NAV2: variants seen among roughly 807,000 people sequenced by gnomAD.
NAV2 encodes neuron navigator 2.
Under a neutral mutation model 223.2 loss-of-function variants are expected in NAV2, and 54 were observed. The observed-to-expected ratio is 0.24, with a 90% confidence interval of 0.19 to 0.30. NAV2 has a LOEUF of 0.30. Among genes scored for constraint, NAV2 ranks in the 10% least tolerant of loss-of-function variants. NAV2 has a pLI of 1.00. For missense variants in NAV2, 2,806 were observed against 3,147.5 expected, an observed-to-expected ratio of 0.89 and a Z score of 2.60; for synonymous variants, 1,279 against 1,239.3, an observed-to-expected ratio of 1.03 and a Z score of -0.67.
At chr11:19,624,890 T>C (rs773572534) in intron 1 of NAV2, among the ~76,000 whole-genome samples, 5 of 152,242 alleles carry the variant, frequency 3.3e-5, no homozygotes, top group Non-Finnish European at 5.9e-5. Flanking sequence ...TTCGGCCATC[T>C]TGGAACCAGA....
chr11:19,506,411 G>T (rs895897363), intron 1 of NAV2: 3 of 152,278 alleles, frequency 2.0e-5, no homozygotes, highest in Non-Finnish European at 4.4e-5. Context: ...GGCATCAAGA[G>T]CCTTTGAGAA....
chr11:20,022,909 T>C, intron 11 of NAV2: 1 of 1,365,018 alleles, frequency 7.3e-7, no homozygotes, highest in Non-Finnish European at 9.6e-7. Context: ...AGAGGTTAAT[T>C]TTGTTGGGGG....
chr11:19,685,637 C>T (rs1385681807), intron 1 of NAV2, among the ~76,000 whole-genome samples: 2 of 152,162 alleles, frequency 1.3e-5, no homozygotes, highest in African/African-American at 4.8e-5. Flanking sequence ...ACTAGTGAAA[C>T]AGCCGTATGA....
At chr11:19,545,202 C>T (rs1032065160) in intron 1 of NAV2, among the ~76,000 whole-genome samples, 1 of 152,244 alleles carries the variant, frequency 6.6e-6, no homozygotes, top group African/African-American at 2.4e-5. Context: ...GAGGGTCAAG[C>T]TGCTACCCAG....
intron 19 of NAV2, 122 bp downstream of exon 19, chr11:20,056,079 C>T (rs2058346438): frequency 1.2e-6 from 1 of 805,714 alleles, no homozygotes; most frequent in East Asian, 2.7e-5. Context: ...ATAAGTGCTC[C>T]CACCTCTCCC....
intron 3 of NAV2, among the ~76,000 whole-genome samples, chr11:19,855,625 G>T (rs2061373226): frequency 6.6e-6 from 1 of 152,166 alleles, no homozygotes; most frequent in African/African-American, 2.4e-5. Flanking sequence ...GAAGAAAGAG[G>T]CATGCATTCC....
chr11:19,536,855 A>G (rs1056166913), intron 1 of NAV2, among the ~76,000 whole-genome samples: 1 of 152,226 alleles, frequency 6.6e-6, no homozygotes, highest in African/African-American at 2.4e-5. Context: ...CCCAGCTGGT[A>G]TATTCTACTT....
intron 1 of NAV2, among the ~76,000 whole-genome samples, chr11:19,696,794 CT>C (rs772530821): frequency 6.6e-6 from 1 of 152,228 alleles, no homozygotes; most frequent in Non-Finnish European, 1.5e-5. Context: ...AAGACACCTT[CT>C]CCACCCTCTT....
intron 11 of NAV2, among the ~76,000 whole-genome samples, chr11:20,006,968 T>G (rs896002397): frequency 6.6e-6 from 1 of 152,040 alleles, no homozygotes; most frequent in Non-Finnish European, 1.5e-5. Context: ...TTTTTTTTTT[T>G]CTTTGGAGAC....
intron 19 of NAV2, among the ~76,000 whole-genome samples, chr11:20,061,766 T>C (rs989171236): frequency 2.6e-5 from 4 of 152,210 alleles, no homozygotes; most frequent in African/African-American, 9.6e-5. Flanking sequence ...TATTCTGCTA[T>C]ATGGTCATCT....
intron 4 of NAV2, 31 bp downstream of exon 4, chr11:19,869,028 T>C: frequency 6.2e-7 from 1 of 1,603,024 alleles, no homozygotes; most frequent in Non-Finnish European, 8.5e-7. Context: ...CGAAGCTGCC[T>C]CTTCATCATT....
chr11:19,662,386 C>T (rs549269871), intron 1 of NAV2, among the ~76,000 whole-genome samples: 2 of 152,344 alleles, frequency 1.3e-5, no homozygotes, highest in South Asian at 4.1e-4. Context: ...ACTCCCTGCC[C>T]ATCAGTGGGG....
intron 1 of NAV2, among the ~76,000 whole-genome samples, chr11:19,426,330 G>A (rs1850825591): frequency 6.6e-6 from 1 of 152,158 alleles, no homozygotes; most frequent in Non-Finnish European, 1.5e-5. Context: ...GAGGAATCCA[G>A]CTTCCCCAGG....
At chr11:19,442,295 T>C (rs1000233946) in intron 1 of NAV2, among the ~76,000 whole-genome samples, 1 of 152,256 alleles carries the variant, frequency 6.6e-6, no homozygotes, top group African/African-American at 2.4e-5. Context: ...TCCATTCCTA[T>C]TTCCCCTGCT....
intron 1 of NAV2, among the ~76,000 whole-genome samples, chr11:19,450,864 C>T (rs547553035): frequency 6.6e-6 from 1 of 152,252 alleles, no homozygotes; most frequent in Admixed American, 6.5e-5. Flanking sequence ...GTTTCTGAAG[C>T]CTCCTCATTG....
At chr11:19,763,427 G>T (rs1369986701) in intron 1 of NAV2, among the ~76,000 whole-genome samples, 1 of 152,226 alleles carries the variant, frequency 6.6e-6, no homozygotes, top group African/African-American at 2.4e-5. Context: ...ATCTAAGACT[G>T]TGTGTACTCA....
intron 1 of NAV2, among the ~76,000 whole-genome samples, chr11:19,435,444 A>T (rs1443007502): frequency 6.6e-6 from 1 of 152,152 alleles, no homozygotes. Context: ...TCCATTGTGT[A>T]TACATACCAC....
chr11:19,900,785 C>G (rs2042385812), intron 6 of NAV2, among the ~76,000 whole-genome samples: 1 of 152,218 alleles, frequency 6.6e-6, no homozygotes, highest in South Asian at 2.1e-4. Context: ...AAGCAATGTG[C>G]TTAGTAATAT....
At chr11:19,515,923 G>A (rs2043431916) in intron 1 of NAV2, among the ~76,000 whole-genome samples, 2 of 152,256 alleles carry the variant, frequency 1.3e-5, no homozygotes, top group South Asian at 4.1e-4. Context: ...TGAGCAACTA[G>A]AAGAATGGGC....
Sources: allele counts gnomAD v4.1 joint callset (sites outside exome capture counted in the v4.1 genomes callset), GRCh38; gene constraint gnomAD v4.1.1; transcripts MANE v1.5; gene names NCBI Gene and HGNC (gene_info 2026-07-23, HGNC 2026-07-21).